ALOX5: variants seen among roughly 807,000 people sequenced by gnomAD.
ALOX5 encodes polyunsaturated fatty acid 5-lipoxygenase.
In ALOX5, 64 loss-of-function variants were observed where a neutral mutation model predicts 87.9. The observed-to-expected ratio is 0.73, with a 90% CI of 0.60 to 0.90. The LOEUF is 0.90. Ranked by LOEUF, ALOX5 falls within the 40% of genes least tolerant of loss-of-function variation. ALOX5 has a pLI of 0.00. For synonymous variants in ALOX5, 388 were observed against 355.1 expected (o/e 1.09, Z -1.04); for missense variants, 822 against 907.5 (o/e 0.91, Z 1.21).
chr10:45,416,936 A>T (rs1841314270), intron 4 of ALOX5, among the ~76,000 whole-genome samples: 1 of 151,692 alleles, frequency 6.6e-6, no homozygotes, highest in African/African-American at 2.4e-5. Context: ...AGATGGATGG[A>T]TAGATGGATG....
rs1840486174 is a variant in ALOX5, at chr10:45,395,954, A to G, written c.431+18A>G. The G allele has an allele frequency of 6.2e-7, 1 of 1,612,044 alleles. No individual in the cohort carries two copies. Among genetic ancestry groups the G allele is most frequent in the African/African-American group, 1.3e-5 (1 of 75,036 alleles). On this transcript the variant is annotated intron_variant, in intron 3 of 13. Transcript: ENST00000374391. Reference sequence around the variant, plus strand: ...CAATATCGGTGAGTTATGACATCAGATCGAGTGGCCACGGGGCCATGGTTT... The same window carrying G: ...CAATATCGGTGAGTTATGACATCAGGTCGAGTGGCCACGGGGCCATGGTTT...
At chr10:45,432,115 A>G (rs1440710365) in intron 7 of ALOX5, among the ~76,000 whole-genome samples, 1 of 152,042 alleles carries the variant, frequency 6.6e-6, no homozygotes, top group Non-Finnish European at 1.5e-5. Flanking sequence ...GAAATCTAGC[A>G]TAGTCAAAAA....
At chr10:45,439,452 C>T (rs892485623) in intron 7 of ALOX5, among the ~76,000 whole-genome samples, 1 of 152,204 alleles carries the variant, frequency 6.6e-6, no homozygotes, top group Non-Finnish European at 1.5e-5. Flanking sequence ...CCACCTCATT[C>T]TTTCTGTCAA....
At chr10:45,392,883 C>A (rs919591890) in intron 2 of ALOX5, among the ~76,000 whole-genome samples, 1 of 152,154 alleles carries the variant, frequency 6.6e-6, no homozygotes, top group Non-Finnish European at 1.5e-5. Context: ...GACACATACA[C>A]CCTCCCAAGA....
chr10:45,433,341 T>C (rs1174847333), intron 7 of ALOX5, among the ~76,000 whole-genome samples: 3 of 152,180 alleles, frequency 2.0e-5, no homozygotes, highest in African/African-American at 7.2e-5. Context: ...CATGTTGCAG[T>C]GGGCGGTCAG....
chr10:45,409,660 T>A (rs1419150480), intron 3 of ALOX5, among the ~76,000 whole-genome samples: 1 of 152,086 alleles, frequency 6.6e-6, no homozygotes, highest in Non-Finnish European at 1.5e-5. Context: ...ATAAATTAAA[T>A]GCCTTTCTAC....
intron 4 of ALOX5, among the ~76,000 whole-genome samples, chr10:45,423,432 T>C (rs1457685887): frequency 6.6e-6 from 1 of 152,212 alleles, no homozygotes; most frequent in African/African-American, 2.4e-5. Flanking sequence ...CTTTTCCACC[T>C]TTCCTGGACC....
At chr10:45,421,896 C>T (rs1369131620) in intron 4 of ALOX5, among the ~76,000 whole-genome samples, 2 of 152,208 alleles carry the variant, frequency 1.3e-5, no homozygotes, top group African/African-American at 4.8e-5. Flanking sequence ...AGCAGTACAC[C>T]CTCTCGGTCA....
At chr10:45,416,217 C>T (rs1841286323) in intron 4 of ALOX5, among the ~76,000 whole-genome samples, 2 of 152,074 alleles carry the variant, frequency 1.3e-5, no homozygotes, top group South Asian at 4.1e-4. Flanking sequence ...TTGACCATTT[C>T]TAGGTGAGGA....
rs1208455343 is a variant in ALOX5, at chr10:45,396,082, A to G, written c.431+146A>G. On this transcript the variant is annotated intron_variant, in intron 3 of 13. Transcript: ENST00000374391. ...CACCAGCTCCCAGTGTGGGTGCACA[A>G]TCCCCAAACTTCACCTTACCTACAA... 8.4e-6 allele frequency: 6 copies of G among 710,414 alleles called. No homozygotes were observed. The Admixed American group carries it at 1.6e-4, about 19-fold the overall frequency. The allele number at this position is 710,414 out of a possible 1,614,324, so 44.0% of individuals were successfully genotyped here.
Position 45,432,455 on chromosome 10 carries a change from CAG to C in ALOX5, c.981+3697_981+3698del, listed in dbSNP as rs1485801968. ...GTTAAGCAGACACTGTGCTTGAAAA[CAG>C]AGAGAATTGGGGGACAGTATAGAGT... On this transcript the variant is annotated intron_variant, in intron 7 of 13. Coordinates refer to ENST00000374391, the MANE Select transcript of ALOX5 (RefSeq NM_000698.5). 2.0e-5 allele frequency among the ~76,000 whole-genome samples: 3 copies of C among 151,502 alleles called. No individual in the cohort carries two copies. In the Middle Eastern group the frequency reaches 0.01, roughly 522 times the overall value.
chr10:45,427,353 C>A (rs74911239), intron 6 of ALOX5, among the ~76,000 whole-genome samples: 5,022 of 152,324 alleles, frequency 0.033, 123 homozygotes, highest in Non-Finnish European at 0.05. Flanking sequence ...CTCCACCTGC[C>A]CCCCTCAACA....
intron 1 of ALOX5, among the ~76,000 whole-genome samples, chr10:45,376,191 C>G (rs1363981250): frequency 1.9e-5 from 2 of 105,578 alleles, no homozygotes; most frequent in East Asian, 2.9e-4. Flanking sequence ...CTCCCTCTCT[C>G]GGTCTGTCTT....
chr10:45,409,600 T>C (rs1054529625), intron 3 of ALOX5, among the ~76,000 whole-genome samples: 2 of 151,962 alleles, frequency 1.3e-5, no homozygotes, highest in African/African-American at 4.8e-5. Context: ...TCTCTCTGTC[T>C]CTCTTGCTTT....
intron 3 of ALOX5, among the ~76,000 whole-genome samples, chr10:45,409,638 A>AT (rs1009050595): frequency 9.4e-6 from 1 of 106,208 alleles, no homozygotes; most frequent in African/African-American, 3.7e-5. Flanking sequence ...TCTCTCTCTC[A>AT]TTTTTTTTCC....
intron 7 of ALOX5, among the ~76,000 whole-genome samples, chr10:45,431,876 A>G (rs1027602010): frequency 2.0e-5 from 3 of 152,164 alleles, no homozygotes; most frequent in Non-Finnish European, 4.4e-5. Flanking sequence ...CCGGCCAACT[A>G]TAAAGTTATT....
intron 3 of ALOX5, among the ~76,000 whole-genome samples, chr10:45,396,818 A>G (rs1840523014): frequency 6.6e-6 from 1 of 152,264 alleles, no homozygotes; most frequent in Admixed American, 6.5e-5. Flanking sequence ...TCAACGAAAT[A>G]CTAGCAAACC....
At chr10:45,444,312 G>C (rs1355274894) in intron 13 of ALOX5, 26 bp downstream of exon 13, 2 of 1,536,028 alleles carry the variant, frequency 1.3e-6, no homozygotes, top group Admixed American at 2.0e-5. Flanking sequence ...GCGGGGCACA[G>C]CCCCAGGTCA....
chr10:45,420,268 G>A (rs1320527236), intron 4 of ALOX5, among the ~76,000 whole-genome samples: 2 of 152,148 alleles, frequency 1.3e-5, no homozygotes, highest in Non-Finnish European at 2.9e-5. Flanking sequence ...AATTTGTTTG[G>A]AAAATGTAGG....
Sources: allele counts gnomAD v4.1 joint callset (sites outside exome capture counted in the v4.1 genomes callset), GRCh38; gene constraint gnomAD v4.1.1; transcripts MANE v1.5; gene names NCBI Gene and HGNC (gene_info 2026-07-23, HGNC 2026-07-21).